SLIT2: variants seen among roughly 807,000 people sequenced by gnomAD.
SLIT2 encodes slit homolog 2 protein.
In SLIT2, 41 loss-of-function variants were observed where a neutral mutation model predicts 185.7. That is an observed-to-expected ratio of 0.22 (90% confidence interval 0.17 to 0.29). SLIT2 has a LOEUF of 0.29. SLIT2 is among the 10% of genes least tolerant of loss of function. SLIT2 has a pLI of 1.00. For synonymous variants in SLIT2, 693 were observed against 680.2 expected (o/e 1.02, Z -0.29); for missense variants, 1,571 against 1,909.0 (o/e 0.82, Z 3.30).
chr4:20,333,062 C>A (rs972668545), intron 4 of SLIT2, among the ~76,000 whole-genome samples: 3 of 152,036 alleles, frequency 2.0e-5, no homozygotes, highest in African/African-American at 7.2e-5. Flanking sequence ...TTTGGAGTTA[C>A]CACATGATGT....
intron 11 of SLIT2, among the ~76,000 whole-genome samples, chr4:20,512,240 T>C (rs1719825136): frequency 6.6e-6 from 1 of 152,124 alleles, no homozygotes; most frequent in Non-Finnish European, 1.5e-5. Context: ...AAGATACACA[T>C]GTGCGAGACC....
At chr4:20,463,448 G>GATAGATATATAT (rs1459962322) in intron 4 of SLIT2, among the ~76,000 whole-genome samples, 138 of 67,198 alleles carry the variant, frequency 2.1e-3, no homozygotes, top group Non-Finnish European at 2.9e-3. Flanking sequence ...CTCAAACTGT[G>GATAGATATATAT]ATATATATAT....
intron 34 of SLIT2, among the ~76,000 whole-genome samples, chr4:20,614,548 C>T (rs1456103832): frequency 1.3e-5 from 2 of 151,816 alleles, no homozygotes; most frequent in African/African-American, 2.4e-5. Context: ...GAGGCTGAGG[C>T]GGGTGGATCA....
intron 4 of SLIT2, among the ~76,000 whole-genome samples, chr4:20,438,765 C>T (rs942065607): frequency 1.3e-5 from 2 of 152,200 alleles, no homozygotes; most frequent in African/African-American, 4.8e-5. Flanking sequence ...AGGAATATTT[C>T]CACCCTGGGG....
At chr4:20,463,448 G>GATAGATAGAT (rs1459962322) in intron 4 of SLIT2, among the ~76,000 whole-genome samples, 7 of 67,322 alleles carry the variant, frequency 1.0e-4, no homozygotes, top group African/African-American at 2.9e-4. Context: ...CTCAAACTGT[G>GATAGATAGAT]ATATATATAT....
intron 4 of SLIT2, among the ~76,000 whole-genome samples, chr4:20,466,289 T>C (rs1714343578): frequency 6.6e-6 from 1 of 152,086 alleles, no homozygotes; most frequent in Non-Finnish European, 1.5e-5. Context: ...AATGGCAAAC[T>C]GGAGAAATAA....
rs542917088 is a variant in SLIT2 at position 20,372,239 on chromosome 4, T to C, written c.396-95513T>C. Among the ~76,000 whole-genome samples the C allele has an allele frequency of 2.0e-5, 3 of 152,164 alleles. No homozygotes were observed. In the South Asian group the frequency reaches 6.2e-4, roughly 32 times the overall value. ...TCCATTTCACAGGTGAGGAAGCAAT[T>C]ATTTTGAGAGGAATTTACCTGACAT... On this transcript the variant is annotated intron_variant, in intron 4 of 36. Coordinates refer to ENST00000504154, the MANE Select transcript of SLIT2 (RefSeq NM_004787.4).
intron 4 of SLIT2, among the ~76,000 whole-genome samples, chr4:20,306,509 G>C (rs1717560573): frequency 6.6e-6 from 1 of 152,022 alleles, no homozygotes; most frequent in Admixed American, 6.6e-5. Flanking sequence ...CTAAAATGTA[G>C]GGTAGAGGGA....
At chr4:20,454,072 T>C (rs142942942) in intron 4 of SLIT2, among the ~76,000 whole-genome samples, 1,957 of 152,298 alleles carry the variant, frequency 0.013, 44 homozygotes, top group African/African-American at 0.045. Flanking sequence ...GCTTCCCCTT[T>C]AGTTTTTTAG....
chr4:20,573,337 C>A (rs949924700), intron 29 of SLIT2: 1 of 700,900 alleles, frequency 1.4e-6, no homozygotes, highest in East Asian at 2.7e-5. Flanking sequence ...GATTTCACTG[C>A]GGGTACACAG....
At chr4:20,562,529 T>C (rs1453829660) in intron 26 of SLIT2, among the ~76,000 whole-genome samples, 1 of 151,834 alleles carries the variant, frequency 6.6e-6, no homozygotes, top group African/African-American at 2.4e-5. Flanking sequence ...CACTCTCTAA[T>C]TGATACATGT....
intron 26 of SLIT2, among the ~76,000 whole-genome samples, chr4:20,566,779 T>C (rs1209188676): frequency 6.6e-6 from 1 of 152,032 alleles, no homozygotes; most frequent in African/African-American, 2.4e-5. Flanking sequence ...ACTGAGTCAA[T>C]GTTACCTGGG....
At chr4:20,311,478 A>G (rs1718102156) in intron 4 of SLIT2, among the ~76,000 whole-genome samples, 1 of 152,216 alleles carries the variant, frequency 6.6e-6, no homozygotes, top group Non-Finnish European at 1.5e-5. Flanking sequence ...GATTTGCTAC[A>G]CAGTAGATGG....
At chr4:20,369,646 T>G (rs543192515) in intron 4 of SLIT2, among the ~76,000 whole-genome samples, 17 of 152,222 alleles carry the variant, frequency 1.1e-4, no homozygotes, top group Non-Finnish European at 2.4e-4. Flanking sequence ...CAGGAACCAC[T>G]GGGTCTCCTG....
At chr4:20,339,158 C>G (rs968091390) in intron 4 of SLIT2, among the ~76,000 whole-genome samples, 4 of 149,114 alleles carry the variant, frequency 2.7e-5, no homozygotes, top group Admixed American at 6.7e-5. Context: ...ATCACATACA[C>G]TGTACATTCT....
chr4:20,354,907 G>GAA, intron 4 of SLIT2, among the ~76,000 whole-genome samples: 1 of 54,312 alleles, frequency 1.8e-5, no homozygotes, highest in Non-Finnish European at 4.1e-5. Context: ...GTGTGTGTGT[G>GAA]AGAGAGAGAG....
rs548707751 is a variant in SLIT2 at position 20,305,723 on chromosome 4, A to G, written c.395+36842A>G. Among the ~76,000 whole-genome samples, 758 of 151,208 alleles carry G rather than the reference A, an allele frequency of 5.0e-3. 12 individuals are homozygous for G. The highest frequency in any genetic ancestry group is 0.018 in the African/African-American group (741 of 41,186). ...CCCCATCTCCACTAAAAATACAAAA[A>G]TTAGCCGGGCATGGTGGCGCTCAAC... On this transcript the variant is annotated intron_variant, in intron 4 of 36. Coordinates refer to ENST00000504154, the MANE Select transcript of SLIT2 (RefSeq NM_004787.4).
At chr4:20,303,567 T>C (rs1436804740) in intron 4 of SLIT2, among the ~76,000 whole-genome samples, 1 of 152,120 alleles carries the variant, frequency 6.6e-6, no homozygotes, top group Non-Finnish European at 1.5e-5. Flanking sequence ...TACCAACCTC[T>C]GTGTTAATAG....
At position 20,320,753 on chromosome 4, in the gene SLIT2, G is replaced by A. The variant is rs749850363; in HGVS notation, c.395+51872G>A. Among the ~76,000 whole-genome samples, 134 of 152,252 alleles carry A rather than the reference G, an allele frequency of 8.8e-4. 1 individual carries two copies. The highest frequency in any genetic ancestry group is 1.3e-3 in the Non-Finnish European group (89 of 68,024). ...TAACTATTACATTTTTGTACAGGAT[G>A]TACAGATCTGCATAGCCCACTCCAA... On this transcript the variant is annotated intron_variant, in intron 4 of 36. Transcript: ENST00000504154.
Sources: gnomAD v4.1 joint callset for allele counts (sites outside exome capture counted in the v4.1 genomes callset) on GRCh38, gnomAD v4.1.1 for gene constraint, MANE v1.5 for transcripts, NCBI Gene and HGNC (gene_info 2026-07-23, HGNC 2026-07-21) for gene names.